The following SLC1A2 variants were observed in gnomAD, a reference collection of about 807,000 sequenced individuals.
SLC1A2 encodes the protein solute carrier family 1 member 2.
In SLC1A2, 15 loss-of-function variants were observed where a neutral mutation model predicts 48.8. That is an observed-to-expected ratio of 0.31 (90% CI 0.21 to 0.47). The LOEUF (loss-of-function observed/expected upper bound fraction) is 0.47, where lower values mean the gene tolerates loss of function less well. Among genes scored for constraint, SLC1A2 ranks in the 20% least tolerant of loss-of-function variants. The probability of loss-of-function intolerance (pLI) is 0.99; values close to 1 mark genes in which losing one functional copy is unlikely to be tolerated. For synonymous variants in SLC1A2, 279 were observed against 272.6 expected (o/e 1.02, Z -0.23); for missense variants, 502 against 730.5 (o/e 0.69, Z 3.61).
In SLC1A2 at chr11:35,252,809, A is replaced by G. The variant is rs1032851662; in HGVS notation, c.*8085T>C. On this transcript the variant is annotated 3_prime_UTR_variant, in exon 11 of 11. Transcript: ENST00000278379. Reference sequence around the variant, plus strand: ...ACCATTTCACTGAAATTACACCTAGATACCTACATTATAGCTACACAAAGT... The same window carrying G: ...ACCATTTCACTGAAATTACACCTAGGTACCTACATTATAGCTACACAAAGT... 2.6e-5 allele frequency: 4 copies of G among 152,646 alleles called. No individual in the cohort carries two copies. Among genetic ancestry groups the G allele is most frequent in the African/African-American group, 9.7e-5 (4 of 41,450 alleles). 9.5% of individuals were successfully genotyped at this position (152,646 alleles called of 1,614,324 possible).
chr11:35,267,026 G>A (rs959363793), intron 9 of SLC1A2, among the ~76,000 whole-genome samples: 3 of 152,182 alleles, frequency 2.0e-5, no homozygotes. Context: ...CAGAGCTGGA[G>A]TTTAACTCTC....
chr11:35,300,656 A>G (rs77291518), intron 6 of SLC1A2, among the ~76,000 whole-genome samples: 1 of 152,184 alleles, frequency 6.6e-6, no homozygotes, highest in Non-Finnish European at 1.5e-5. Context: ...TACCCAGTCT[A>G]AGGTATTTTG....
chr11:35,347,895 C>T (rs952372491), intron 1 of SLC1A2, among the ~76,000 whole-genome samples: 33 of 152,200 alleles, frequency 2.2e-4, no homozygotes, highest in Non-Finnish European at 4.4e-5. Context: ...TAAATGAATA[C>T]ATTTGTTCCT....
At chr11:35,367,519 G>A (rs1853893074) in intron 1 of SLC1A2, among the ~76,000 whole-genome samples, 1 of 150,884 alleles carries the variant, frequency 6.6e-6, no homozygotes, top group Non-Finnish European at 1.5e-5. Context: ...TTACCCATCA[G>A]CCTTCAGAAC....
At chr11:35,341,636 T>C (rs781709815) in intron 1 of SLC1A2, among the ~76,000 whole-genome samples, 6 of 152,170 alleles carry the variant, frequency 3.9e-5, no homozygotes, top group Non-Finnish European at 7.4e-5. Context: ...GTTGACAACA[T>C]CTGTGATTGC....
At chr11:35,314,830 C>T (rs1851821246) in intron 3 of SLC1A2, among the ~76,000 whole-genome samples, 193 bp downstream of exon 3, 2 of 145,454 alleles carry the variant, frequency 1.4e-5, no homozygotes, top group Non-Finnish European at 1.5e-5. Flanking sequence ...GACAAATAGA[C>T]TGACTAATCG....
chr11:35,397,528 T>G (rs975805849), intron 1 of SLC1A2, among the ~76,000 whole-genome samples: 2 of 151,124 alleles, frequency 1.3e-5, no homozygotes, highest in Admixed American at 6.6e-5. Context: ...AAAAATCAAT[T>G]CAAGATGGAT....
At chr11:35,378,805 A>G (rs1054900537) in intron 1 of SLC1A2, among the ~76,000 whole-genome samples, 1 of 152,252 alleles carries the variant, frequency 6.6e-6, no homozygotes, top group African/African-American at 2.4e-5. Flanking sequence ...ATGCAGTTAA[A>G]GTTGGCAATA....
chr11:35,378,025 G>A (rs553730840), intron 1 of SLC1A2, among the ~76,000 whole-genome samples: 2 of 152,228 alleles, frequency 1.3e-5, no homozygotes, highest in Admixed American at 6.5e-5. Context: ...TCCTTTAGTA[G>A]TTTCAGCCAG....
intron 1 of SLC1A2, among the ~76,000 whole-genome samples, chr11:35,323,935 G>A (rs932934935): frequency 6.6e-6 from 1 of 152,160 alleles, no homozygotes; most frequent in East Asian, 1.9e-4. Flanking sequence ...ACATGGGCAG[G>A]TCAATGCCTT....
intron 9 of SLC1A2, among the ~76,000 whole-genome samples, chr11:35,278,468 G>A (rs146632429): frequency 5.9e-5 from 9 of 151,682 alleles, no homozygotes; most frequent in African/African-American, 9.7e-5. Context: ...TGGTAGAGAC[G>A]GGGTTTCTCC....
chr11:35,415,690 T>C (rs1179968224), intron 1 of SLC1A2, among the ~76,000 whole-genome samples: 1 of 152,232 alleles, frequency 6.6e-6, no homozygotes, highest in Non-Finnish European at 1.5e-5. Flanking sequence ...TTTTCCACTG[T>C]CAGCAGTTTT....
intron 1 of SLC1A2, among the ~76,000 whole-genome samples, chr11:35,351,618 TTTTA>T (rs1409745395): frequency 2.0e-5 from 3 of 152,098 alleles, no homozygotes; most frequent in African/African-American, 7.2e-5. Flanking sequence ...CTGATTATTA[TTTTA>T]TTTTTTATTT....
At chr11:35,301,709 T>C in intron 5 of SLC1A2, 64 bp from the exon 6 acceptor site, 1 of 1,497,100 alleles carries the variant, frequency 6.7e-7, no homozygotes, top group Non-Finnish European at 9.2e-7. Context: ...TCTCCCTCAT[T>C]CTTTACCATT....
intron 8 of SLC1A2, among the ~76,000 whole-genome samples, chr11:35,282,845 C>T (rs186091724): frequency 4.2e-4 from 64 of 152,260 alleles, no homozygotes; most frequent in Admixed American, 3.3e-3. Context: ...CCCCTCTTGT[C>T]CCTAATAATA....
Position 35,334,385 on chromosome 11 carries a change from G to C in SLC1A2, c.18-16869C>G, listed in dbSNP as rs1370117853. On this transcript the variant is annotated intron_variant, in intron 1 of 10. Coordinates refer to ENST00000278379, the MANE Select transcript of SLC1A2 (RefSeq NM_004171.4). ...ATGCTTAAGTAAAATCTTCAAAAAA[G>C]GAATGAAAATTTATTCACCAGGCTA... 2.6e-5 allele frequency among the ~76,000 whole-genome samples: 4 copies of C among 152,118 alleles called. No individual in the cohort carries two copies. In the East Asian group the frequency reaches 7.7e-4, roughly 29 times the overall value.
At chr11:35,364,970 C>T (rs181806807) in intron 1 of SLC1A2, among the ~76,000 whole-genome samples, 171 of 152,292 alleles carry the variant, frequency 1.1e-3, no homozygotes, top group Middle Eastern at 3.4e-3. Context: ...CAGAGCAGGG[C>T]AGGTTCATCT....
At chr11:35,262,606 G>A (rs114734977) in intron 10 of SLC1A2, among the ~76,000 whole-genome samples, 2,572 of 152,294 alleles carry the variant, frequency 0.017, 59 homozygotes, top group African/African-American at 0.057. Context: ...AAGTAAATGT[G>A]ACCCAGATAT....
intron 9 of SLC1A2, among the ~76,000 whole-genome samples, chr11:35,275,206 G>C (rs1591413971): frequency 6.6e-6 from 1 of 152,228 alleles, no homozygotes; most frequent in Non-Finnish European, 1.5e-5. Context: ...GGCTCTTTGA[G>C]GTCTTCCTTC....
Sources: gnomAD v4.1 joint callset for allele counts (sites outside exome capture counted in the v4.1 genomes callset) on GRCh38, gnomAD v4.1.1 for gene constraint, MANE v1.5 for transcripts, NCBI Gene and HGNC (gene_info 2026-07-23, HGNC 2026-07-21) for gene names.